Variants in PLCE1 observed in about 807,000 individuals in gnomAD.
The protein encoded by PLCE1 is phospholipase C epsilon 1.
PLCE1 carries 119 observed loss-of-function variants against 242.8 expected under a neutral mutation model. The ratio of observed to expected loss-of-function variants is 0.49; its 90% CI spans 0.42 to 0.57. The LOEUF is 0.57. Among genes scored for constraint, PLCE1 ranks in the 20% least tolerant of loss-of-function variants. PLCE1 has a pLI of 0.00. For missense variants in PLCE1, 2,441 were observed against 2,788.8 expected, an observed-to-expected ratio of 0.88 and a Z score of 2.81; for synonymous variants, 945 against 1,017.4, an observed-to-expected ratio of 0.93 and a Z score of 1.35.
intron 3 of PLCE1, among the ~76,000 whole-genome samples, chr10:94,161,764 C>T (rs927855417): frequency 1.3e-5 from 2 of 152,078 alleles, no homozygotes; most frequent in Admixed American, 6.6e-5. Context: ...CCAGTTTTTG[C>T]CCATTCAGTA....
At chr10:94,138,246 G>A in intron 3 of PLCE1, 1 of 328,250 alleles carries the variant, frequency 3.0e-6, no homozygotes. Context: ...GCTGCATATT[G>A]ACCTTGATAT....
chr10:94,223,031 A>T (rs1361236518), intron 4 of PLCE1, among the ~76,000 whole-genome samples: 25 of 151,872 alleles, frequency 1.6e-4, no homozygotes, highest in Non-Finnish European at 3.2e-4. Context: ...GCCTTCTGAA[A>T]CCTGGGGTCC....
chr10:94,116,827 GA>G, intron 2 of PLCE1, among the ~76,000 whole-genome samples: 1 of 152,298 alleles, frequency 6.6e-6, no homozygotes, highest in East Asian at 1.9e-4. Flanking sequence ...CCTTCTAAAA[GA>G]AGTGCATTTG....
At chr10:94,153,671 A>C (rs189162110) in intron 3 of PLCE1, among the ~76,000 whole-genome samples, 47 of 152,342 alleles carry the variant, frequency 3.1e-4, no homozygotes, top group Middle Eastern at 3.4e-3. Context: ...TATTAGAATT[A>C]ATAAATGAGT....
At chr10:94,252,133 A>C (rs2050900512) in intron 8 of PLCE1, among the ~76,000 whole-genome samples, 183 bp from the exon 9 acceptor site, 1 of 152,252 alleles carries the variant, frequency 6.6e-6, no homozygotes, top group Non-Finnish European at 1.5e-5. Flanking sequence ...AACGGGGGAC[A>C]TGATGAAATT....
rs761198488 is a variant in PLCE1, at chr10:94,265,896, C to T, written c.4219C>T (p.His1407Tyr). Residue 1407 changes from histidine to tyrosine, a missense_variant, in exon 16 of 33, where the codon CAC becomes TAC. His to Tyr is a moderately conservative substitution (Grantham distance 83). This residue lies in a region of PLCE1 where 1,004 missense variants were observed against 1,322.7 expected (regional missense o/e 0.76). Transcript: ENST00000371380. ...PLSYYYIESS[H>Y]NTYLTGHQLK... ...CTCATACTATTACATCGAATCTTCG[C>T]ACAATACCTACCTCACGGGCCATCA... 21 of 1,613,908 alleles carry T rather than the reference C, an allele frequency of 1.3e-5. No individual in the cohort carries two copies. The highest frequency in any genetic ancestry group is 1.8e-5 in the Non-Finnish European group (21 of 1,179,940).
chr10:94,025,126 G>T (rs2061435049), intron 1 of PLCE1, among the ~76,000 whole-genome samples: 1 of 151,842 alleles, frequency 6.6e-6, no homozygotes, highest in Admixed American at 6.6e-5. Context: ...GGCTGCTCCA[G>T]CTCTGGCTAT....
chr10:94,092,351 G>A (rs551527644), intron 2 of PLCE1, among the ~76,000 whole-genome samples: 65 of 152,266 alleles, frequency 4.3e-4, no homozygotes, highest in Non-Finnish European at 6.9e-4. Context: ...CACTTTCTTT[G>A]TGGCAGGTAT....
chr10:94,297,352 G>A (rs985228511), intron 23 of PLCE1, among the ~76,000 whole-genome samples: 1 of 151,994 alleles, frequency 6.6e-6, no homozygotes, highest in Non-Finnish European at 1.5e-5. Flanking sequence ...ACGCACATTT[G>A]TCAATTAAGT....
At chr10:94,263,201 A>G (rs2051374926) in intron 14 of PLCE1, among the ~76,000 whole-genome samples, 1 of 151,932 alleles carries the variant, frequency 6.6e-6, no homozygotes, top group Admixed American at 6.5e-5. Context: ...ACAAAATACC[A>G]AGTATGTTTT....
rs567902704 is a variant in PLCE1 at position 94,122,439 on chromosome 10, AC to A, written c.1207-9733del. On this transcript the variant is annotated intron_variant, in intron 2 of 32. Transcript: ENST00000371380. Reference sequence around the variant, plus strand: ...GATATGATTCATCCATATGGTAATTACCATTAGAATTAGTATCTCAGACGTG... The same window carrying A: ...GATATGATTCATCCATATGGTAATTACATTAGAATTAGTATCTCAGACGTG... 1.8e-4 allele frequency among the ~76,000 whole-genome samples: 28 copies of A among 152,286 alleles called. No homozygotes were observed. The East Asian group carries it at 5.2e-3, about 28-fold the overall frequency.
intron 2 of PLCE1, among the ~76,000 whole-genome samples, chr10:94,050,497 G>A (rs1045291524): frequency 1.3e-5 from 2 of 151,834 alleles, no homozygotes; most frequent in Non-Finnish European, 2.9e-5. Context: ...ATTTGGGTGG[G>A]GACACAAAGC....
chr10:94,248,734 G>C (rs937681981), intron 8 of PLCE1, among the ~76,000 whole-genome samples: 5 of 151,852 alleles, frequency 3.3e-5, no homozygotes, highest in African/African-American at 1.2e-4. Flanking sequence ...CTATTCCTTG[G>C]CCTTCTAGAA....
intron 2 of PLCE1, among the ~76,000 whole-genome samples, chr10:94,074,187 CTTTTTTT>C (rs1015998359): frequency 1.6e-5 from 2 of 123,128 alleles, no homozygotes; most frequent in Admixed American, 8.2e-5. Flanking sequence ...CCAAGCAGTT[CTTTTTTT>C]TTTTTTTTTT....
intron 2 of PLCE1, chr10:94,089,093 T>G (rs1317565497): frequency 6.2e-7 from 1 of 1,613,338 alleles, no homozygotes; most frequent in Non-Finnish European, 8.5e-7. Context: ...TCGTGGTGAT[T>G]AATGGTTTCA....
chr10:94,081,261 A>G (rs1343380922), intron 2 of PLCE1, among the ~76,000 whole-genome samples: 1 of 152,122 alleles, frequency 6.6e-6, no homozygotes, highest in Non-Finnish European at 1.5e-5. Context: ...TGCCTGTAAT[A>G]TGTGTTACAA....
chr10:94,273,968 G>A (rs2133176148), intron 19 of PLCE1, among the ~76,000 whole-genome samples: 1 of 152,330 alleles, frequency 6.6e-6, no homozygotes, highest in South Asian at 2.1e-4. Flanking sequence ...AATTTATTCT[G>A]AGTGGGATGA....
At chr10:93,996,040 C>T (rs1195242935) in intron 1 of PLCE1, among the ~76,000 whole-genome samples, 4 of 152,178 alleles carry the variant, frequency 2.6e-5, no homozygotes, top group Non-Finnish European at 5.9e-5. Flanking sequence ...GAAGAGTTTT[C>T]TAAAGTAGAC....
rs2051984472 is a variant in PLCE1, at chr10:94,277,150, T to C, written c.4666-2632T>C. Among the ~76,000 whole-genome samples the C allele has an allele frequency of 2.0e-5, 3 of 152,170 alleles. No individual in the cohort carries two copies. In the South Asian group the frequency reaches 6.2e-4, roughly 32 times the overall value. ...AAGCCCTCCACCTGCCTCTGGCTTG[T>C]ACTGAGATGCATCCTGAGGTCTCCT... On this transcript the variant is annotated intron_variant, in intron 19 of 32. Coordinates refer to ENST00000371380, the MANE Select transcript of PLCE1 (RefSeq NM_016341.4).
Sources: allele counts gnomAD v4.1 joint callset (sites outside exome capture counted in the v4.1 genomes callset), GRCh38; gene constraint gnomAD v4.1.1; regional missense constraint gnomAD v4.1.1; transcripts MANE v1.5; gene names NCBI Gene and HGNC (gene_info 2026-07-23, HGNC 2026-07-21).